CADM2: variants seen among roughly 807,000 people sequenced by gnomAD.
The protein encoded by CADM2 is cell adhesion molecule 2.
In CADM2, 12 loss-of-function variants were observed where a neutral mutation model predicts 49.8. That is an observed-to-expected ratio of 0.24 (90% CI 0.15 to 0.39). The LOEUF (loss-of-function observed/expected upper bound fraction) is 0.39, where lower values mean the gene tolerates loss of function less well. Among genes scored for constraint, CADM2 ranks in the 10% least tolerant of loss-of-function variants. The pLI is 1.00. For missense variants in CADM2, 378 were observed against 492.3 expected (o/e 0.77, Z 2.20); for synonymous variants, 214 against 175.4 (o/e 1.22, Z -1.74).
chr3:85,574,614 T>A (rs750627974), intron 1 of CADM2, among the ~76,000 whole-genome samples: 1 of 152,198 alleles, frequency 6.6e-6, no homozygotes, highest in Non-Finnish European at 1.5e-5. Flanking sequence ...TTGTTTCATC[T>A]CTTTTAGAAG....
chr3:85,138,239 C>G (rs1382179156), intron 1 of CADM2, among the ~76,000 whole-genome samples: 1 of 151,998 alleles, frequency 6.6e-6, no homozygotes, highest in Non-Finnish European at 1.5e-5. Context: ...CATGGGATAC[C>G]TTTTTATACT....
chr3:85,279,525 A>G (rs1209838069), intron 1 of CADM2, among the ~76,000 whole-genome samples: 1 of 151,416 alleles, frequency 6.6e-6, no homozygotes, highest in Non-Finnish European at 1.5e-5. Context: ...TTAATTGTAT[A>G]TATTTCCTGC....
chr3:85,349,849 C>T (rs1021557395), intron 1 of CADM2, among the ~76,000 whole-genome samples: 2 of 152,108 alleles, frequency 1.3e-5, no homozygotes, highest in Non-Finnish European at 2.9e-5. Context: ...GAAGTAAGAA[C>T]TGGACTAGGA....
chr3:85,784,085 A>G lies in CADM2; in HGVS notation c.89-17962A>G, dbSNP rs566530603. Among the ~76,000 whole-genome samples the G allele has an allele frequency of 3.9e-5, 6 of 152,320 alleles. No homozygotes were observed. The East Asian group carries it at 7.7e-4, about 20-fold the overall frequency. ...ACGCTATCTCACACACACTGCACGC[A>G]CACACATTTGTCATTTCAAAAGTAA... On this transcript the variant is annotated intron_variant, in intron 2 of 9. Coordinates refer to ENST00000383699, the MANE Select transcript of CADM2 (RefSeq NM_001167675.2).
intron 1 of CADM2, among the ~76,000 whole-genome samples, chr3:85,067,565 T>G (rs1471054211): frequency 6.6e-6 from 1 of 152,100 alleles, no homozygotes; most frequent in Non-Finnish European, 1.5e-5. Flanking sequence ...GTAGGACACT[T>G]TATTTTATTT....
At chr3:85,108,151 C>T (rs909209978) in intron 1 of CADM2, among the ~76,000 whole-genome samples, 2 of 151,848 alleles carry the variant, frequency 1.3e-5, no homozygotes, top group African/African-American at 4.8e-5. Flanking sequence ...TTTACAATAG[C>T]CAATAGTTGG....
chr3:85,892,471 A>G (rs575575855), intron 5 of CADM2, among the ~76,000 whole-genome samples: 1 of 152,236 alleles, frequency 6.6e-6, no homozygotes, highest in South Asian at 2.1e-4. Flanking sequence ...GGTGGGAGGT[A>G]ATTGAATCAT....
At chr3:85,324,641 A>G (rs1292800428) in intron 1 of CADM2, among the ~76,000 whole-genome samples, 2 of 152,354 alleles carry the variant, frequency 1.3e-5, no homozygotes, top group South Asian at 2.1e-4. Context: ...ACATAAAAAT[A>G]GATCATCCAC....
chr3:85,178,797 A>ACCT (rs2040851568), intron 1 of CADM2, among the ~76,000 whole-genome samples: 2 of 151,624 alleles, frequency 1.3e-5, no homozygotes, highest in Admixed American at 1.3e-4. Context: ...GTCTACTTAA[A>ACCT]CCTCAGGTTT....
intron 1 of CADM2, among the ~76,000 whole-genome samples, chr3:85,577,773 T>C (rs533401861): frequency 6.4e-4 from 98 of 152,272 alleles, no homozygotes; most frequent in African/African-American, 2.2e-3. Context: ...TGTTTTATTT[T>C]TTAACAAGTA....
At chr3:85,231,948 C>G (rs1047962590) in intron 1 of CADM2, among the ~76,000 whole-genome samples, 1 of 151,504 alleles carries the variant, frequency 6.6e-6, no homozygotes, top group Non-Finnish European at 1.5e-5. Flanking sequence ...CTCCTGACCC[C>G]AAGTGATCCA....
At chr3:85,497,938 T>A (rs1335231966) in intron 1 of CADM2, among the ~76,000 whole-genome samples, 1 of 152,070 alleles carries the variant, frequency 6.6e-6, no homozygotes, top group Admixed American at 6.6e-5. Flanking sequence ...CAGTCCATCC[T>A]CATTATCTGT....
intron 1 of CADM2, among the ~76,000 whole-genome samples, chr3:85,497,485 A>C (rs2039953608): frequency 6.6e-6 from 1 of 152,156 alleles, no homozygotes; most frequent in Non-Finnish European, 1.5e-5. Context: ...ATTTGATGAA[A>C]AAGATGAATA....
chr3:85,483,512 C>T (rs2039296363), intron 1 of CADM2, among the ~76,000 whole-genome samples: 1 of 150,770 alleles, frequency 6.6e-6, no homozygotes. Flanking sequence ...TTATATTTAA[C>T]TGATGTACTA....
chr3:85,322,723 A>G (rs902851164), intron 1 of CADM2, among the ~76,000 whole-genome samples: 2 of 152,170 alleles, frequency 1.3e-5, no homozygotes, highest in African/African-American at 2.4e-5. Context: ...CTGTCTTCAA[A>G]TAGAGCTTGT....
intron 2 of CADM2, among the ~76,000 whole-genome samples, chr3:85,732,326 TA>T (rs1435425647): frequency 2.0e-5 from 3 of 151,966 alleles, no homozygotes; most frequent in Admixed American, 6.6e-5. Context: ...AAAATCTTCA[TA>T]AAAAACGAAT....
At chr3:84,987,087 GAC>G (rs1559603798) in intron 1 of CADM2, among the ~76,000 whole-genome samples, 1 of 151,906 alleles carries the variant, frequency 6.6e-6, no homozygotes, top group African/African-American at 2.4e-5. Flanking sequence ...AAAGAGTTTG[GAC>G]ACTAACTGCA....
intron 1 of CADM2, among the ~76,000 whole-genome samples, chr3:84,979,627 A>T (rs1287243548): frequency 6.6e-6 from 1 of 152,126 alleles, no homozygotes; most frequent in Non-Finnish European, 1.5e-5. Context: ...TCCAGGAATA[A>T]ACTTCAATAA....
chr3:85,685,429 G>A (rs6781999), intron 1 of CADM2, among the ~76,000 whole-genome samples: 40,173 of 151,906 alleles, frequency 0.26, 5,424 homozygotes, highest in South Asian at 0.34. Context: ...TTTTAATGAG[G>A]GATGTTGGGA....
Sources: gnomAD v4.1 joint callset for allele counts (sites outside exome capture counted in the v4.1 genomes callset) on GRCh38, gnomAD v4.1.1 for gene constraint, MANE v1.5 for transcripts, NCBI Gene and HGNC (gene_info 2026-07-23, HGNC 2026-07-21) for gene names.